PACRG: variants seen among roughly 807,000 people sequenced by gnomAD.
PACRG encodes the protein parkin coregulated gene protein.
In PACRG, 29 loss-of-function variants were observed where a neutral mutation model predicts 29.7. The observed-to-expected ratio is 0.98, with a 90% confidence interval of 0.73 to 1.33. The LOEUF (loss-of-function observed/expected upper bound fraction) is 1.33, where lower values mean the gene tolerates loss of function less well. Among genes scored for constraint, PACRG ranks in the 40% most tolerant of loss-of-function variants. The pLI, the probability that PACRG is intolerant of heterozygous loss-of-function variation, is 0.00. For missense variants in PACRG, 279 were observed against 316.2 expected (o/e 0.88, Z 0.89); for synonymous variants, 116 against 118.7 (o/e 0.98, Z 0.15).
intron 4 of PACRG, among the ~76,000 whole-genome samples, chr6:163,248,641 G>A (rs1315800380): frequency 1.3e-5 from 2 of 152,140 alleles, no homozygotes; most frequent in African/African-American, 2.4e-5. Context: ...TCCAACAGGA[G>A]CCCAAATCTA....
intron 2 of PACRG, among the ~76,000 whole-genome samples, chr6:163,044,039 A>G (rs1296609267): frequency 1.3e-5 from 2 of 152,196 alleles, no homozygotes; most frequent in African/African-American, 4.8e-5. Context: ...CAGTTAGAGA[A>G]CAGGAAGAGG....
At chr6:163,198,798 G>A (rs929120478) in intron 4 of PACRG, among the ~76,000 whole-genome samples, 2 of 152,178 alleles carry the variant, frequency 1.3e-5, no homozygotes, top group African/African-American at 2.4e-5. Flanking sequence ...AAGTTGTGAC[G>A]ACGTGTGCCC....
intron 2 of PACRG, among the ~76,000 whole-genome samples, chr6:162,823,091 C>T (rs190866277): frequency 4.6e-5 from 7 of 152,196 alleles, no homozygotes; most frequent in African/African-American, 1.7e-4. Flanking sequence ...TGGAGAGATA[C>T]TGTGTCAGAG....
At chr6:162,966,600 A>C (rs9458692) in intron 2 of PACRG, among the ~76,000 whole-genome samples, 23,428 of 150,404 alleles carry the variant, frequency 0.16, 3,161 homozygotes, top group African/African-American at 0.36. Flanking sequence ...CCTCAGTCTC[A>C]TGAGCAGCTG....
chr6:163,094,815 C>T (rs1390452563), intron 4 of PACRG, among the ~76,000 whole-genome samples: 1 of 152,176 alleles, frequency 6.6e-6, no homozygotes, highest in African/African-American at 2.4e-5. Flanking sequence ...AAATTTACAC[C>T]TAACATTTCC....
chr6:163,110,319 A>G (rs1815643560), intron 4 of PACRG, among the ~76,000 whole-genome samples: 1 of 152,216 alleles, frequency 6.6e-6, no homozygotes, highest in Non-Finnish European at 1.5e-5. Flanking sequence ...CATTATTTTT[A>G]CTGAATATTT....
intron 4 of PACRG, among the ~76,000 whole-genome samples, chr6:163,193,698 A>G (rs1232369808): frequency 1.3e-5 from 2 of 152,090 alleles, no homozygotes; most frequent in Non-Finnish European, 2.9e-5. Flanking sequence ...AATTTTCCTC[A>G]GAGATAATTT....
At chr6:163,126,294 G>A (rs1265095458) in intron 4 of PACRG, among the ~76,000 whole-genome samples, 1 of 152,126 alleles carries the variant, frequency 6.6e-6, no homozygotes, top group Non-Finnish European at 1.5e-5. Context: ...CTCTGAATCA[G>A]GCCTTTCACC....
intron 4 of PACRG, chr6:163,166,308 T>G (rs1778810543): frequency 4.7e-6 from 2 of 427,056 alleles, no homozygotes; most frequent in Non-Finnish European, 9.5e-6. Context: ...AATCGGCCCT[T>G]TATTTCAACA....
chr6:162,975,084 A>G (rs988560206), intron 2 of PACRG, among the ~76,000 whole-genome samples: 4 of 152,154 alleles, frequency 2.6e-5, no homozygotes. Context: ...CCCTGCAATA[A>G]TCTGAGCTTG....
In PACRG at chr6:162,773,494, A is replaced by ATTTT. The variant is rs71008110; in HGVS notation, c.157-40625_157-40622dup. On this transcript the variant is annotated intron_variant, in intron 1 of 4. Coordinates refer to ENST00000366888, the MANE Select transcript of PACRG (RefSeq NM_001080379.2). ...ATATTTGGTATTTTTACAGCTTGTC[A>ATTTT]TTTTTTTTTTTTTTTTTTTTTTTTT... is the stretch of plus-strand genomic sequence containing the variant. Among the ~76,000 whole-genome samples, 593 of 66,004 alleles carry ATTTT rather than the reference A, an allele frequency of 9.0e-3. 74 individuals are homozygous for ATTTT. Among genetic ancestry groups the ATTTT allele is most frequent in the East Asian group, 0.071 (113 of 1,594 alleles). The allele number at this position is 66,004 out of a possible 152,430, so 43.3% of individuals were successfully genotyped here. A position where few individuals can be genotyped will look rare whatever the true frequency, so the allele number is the denominator to read the frequency against.
chr6:163,286,456 CA>C (rs1784403903), intron 4 of PACRG, among the ~76,000 whole-genome samples: 1 of 152,112 alleles, frequency 6.6e-6, no homozygotes, highest in Non-Finnish European at 1.5e-5. Context: ...GCAAGTTTTA[CA>C]AAAACATTAT....
At chr6:163,256,980 G>T (rs907133863) in intron 4 of PACRG, among the ~76,000 whole-genome samples, 5 of 152,050 alleles carry the variant, frequency 3.3e-5, no homozygotes, top group Admixed American at 3.3e-4. Context: ...TCCTTGGCTC[G>T]TAGACACATC....
At position 163,051,697 on chromosome 6, in the gene PACRG, T is replaced by C. The variant is rs1016606657; in HGVS notation, c.292-10453T>C. 8.5e-5 allele frequency: 13 copies of C among 152,198 alleles called. No individual in the cohort carries two copies. The South Asian group carries it at 2.7e-3, about 32-fold the overall frequency. 9.4% of individuals were successfully genotyped at this position (152,198 alleles called of 1,614,324 possible). On this transcript the variant is annotated intron_variant, in intron 2 of 4. Coordinates refer to ENST00000366888, the MANE Select transcript of PACRG (RefSeq NM_001080379.2). ...CCCTTCTCTCACCAAATGCTCTGTT[T>C]TTCTGAAGACATTAAAACCTTATTC...
At chr6:162,856,387 A>G (rs1460363353) in intron 2 of PACRG, among the ~76,000 whole-genome samples, 1 of 152,128 alleles carries the variant, frequency 6.6e-6, no homozygotes, top group African/African-American at 2.4e-5. Context: ...ATAGCCGTGG[A>G]AGTGCTGAAT....
At chr6:163,268,873 C>T (rs929444286) in intron 4 of PACRG, among the ~76,000 whole-genome samples, 3 of 152,170 alleles carry the variant, frequency 2.0e-5, no homozygotes, top group Non-Finnish European at 4.4e-5. Context: ...TGCTGCTGGC[C>T]TGGGTGGAAA....
intron 4 of PACRG, among the ~76,000 whole-genome samples, chr6:163,249,715 C>T (rs1457035342): frequency 2.0e-5 from 3 of 152,204 alleles, no homozygotes; most frequent in Admixed American, 2.0e-4. Flanking sequence ...TTCCTGGCAG[C>T]AGAAGTTGAC....
chr6:163,087,811 TG>T (rs1171595952), intron 3 of PACRG, among the ~76,000 whole-genome samples: 79 of 132,000 alleles, frequency 6.0e-4, no homozygotes, highest in African/African-American at 2.3e-3. Flanking sequence ...AGATGGAGAG[TG>T]AGGCCAGAGG....
chr6:163,156,488 A>C (rs1585275276), intron 4 of PACRG, among the ~76,000 whole-genome samples: 2 of 150,326 alleles, frequency 1.3e-5, no homozygotes, highest in African/African-American at 2.5e-5. Flanking sequence ...ACGCCCCATG[A>C]CTCCCTCCTC....
Sources: allele counts gnomAD v4.1 joint callset (sites outside exome capture counted in the v4.1 genomes callset), GRCh38; gene constraint gnomAD v4.1.1; transcripts MANE v1.5; gene names NCBI Gene and HGNC (gene_info 2026-07-23, HGNC 2026-07-21).